Variants in C8orf88 observed in about 807,000 individuals in gnomAD.
The protein encoded by C8orf88 is chromosome 8 open reading frame 88.
C8orf88 carries 14 observed loss-of-function variants against 18.4 expected under a neutral mutation model. The observed-to-expected ratio is 0.76, with a 90% CI of 0.50 to 1.19. The LOEUF is 1.19. C8orf88 is among the 50% of genes most tolerant of loss of function. The probability of loss-of-function intolerance (pLI) is 0.00; values close to 1 mark genes in which losing one functional copy is unlikely to be tolerated. For missense variants in C8orf88, 116 were observed against 134.7 expected (o/e 0.86, Z 0.69); for synonymous variants, 45 against 42.9 (o/e 1.05, Z -0.19).
Position 90,958,837 on chromosome 8 carries a change from T to C in C8orf88, c.*170A>G. 2.1e-6 allele frequency: 1 copy of C among 475,806 alleles called. No individual in the cohort carries two copies. Among genetic ancestry groups the C allele is most frequent in the East Asian group, 3.9e-5 (1 of 25,500 alleles). 29.5% of individuals were successfully genotyped at this position (475,806 alleles called of 1,614,324 possible). ...AAACCTCCTGCAAAGCTGAAACTGA[T>C]TAGAAAATTCTTTATATTTTAAAAT... On this transcript the variant is annotated 3_prime_UTR_variant, in exon 6 of 6. Coordinates refer to ENST00000517562, the MANE Select transcript of C8orf88 (RefSeq NM_001190972.2).
At chr8:90,968,961 C>A (rs1386111) in intron 4 of C8orf88, among the ~76,000 whole-genome samples, 107,404 of 151,078 alleles carry the variant, frequency 0.71, 39,183 homozygotes, top group African/African-American at 0.84. Flanking sequence ...TTATAATAAA[C>A]AGAGATAATA....
chr8:90,984,594 G>A (rs1811478637), intron 1 of C8orf88, among the ~76,000 whole-genome samples: 1 of 151,932 alleles, frequency 6.6e-6, no homozygotes, highest in Admixed American at 6.5e-5. Context: ...GTCTATTTGA[G>A]GGATTTCTCA....
intron 4 of C8orf88, among the ~76,000 whole-genome samples, chr8:90,965,219 T>C (rs2130304205): frequency 6.6e-6 from 1 of 151,812 alleles, no homozygotes; most frequent in Non-Finnish European, 1.5e-5. Context: ...AAAAGAGAGC[T>C]GAAGTGAGTA....
At position 90,959,022 on chromosome 8, in the gene C8orf88, G is replaced by T; in HGVS notation, c.339C>A (p.Asn113Lys). ...HPIVLQKPEN[N>K]QSFK ...TCTTAAAATGCTACTTAAAACTTTG[G>T]TTGTTTTCCTGTAATATAAAAGAAA... The change falls in exon 6 of 6, where the codon AAC becomes AAA. Residue 113 changes from asparagine to lysine, a missense_variant. By Grantham distance (94) the Asn-to-Lys change is moderately conservative. Coordinates refer to ENST00000517562, the MANE Select transcript of C8orf88 (RefSeq NM_001190972.2). 1 of 1,393,506 alleles carries T rather than the reference G, an allele frequency of 7.2e-7. No individual in the cohort carries two copies. The highest frequency in any genetic ancestry group is 9.6e-7 in the Non-Finnish European group (1 of 1,044,212). 86.3% of individuals were successfully genotyped at this position (1,393,506 alleles called of 1,614,324 possible).
chr8:90,977,948 AAAAAC>A (rs374693753), intron 3 of C8orf88, among the ~76,000 whole-genome samples: 4 of 152,080 alleles, frequency 2.6e-5, no homozygotes, highest in African/African-American at 4.8e-5. Flanking sequence ...ACTCCATCTC[AAAAAC>A]AAAACAAAAC....
intron 2 of C8orf88, 33 bp downstream of exon 2, chr8:90,980,330 A>G: frequency 7.4e-7 from 1 of 1,356,800 alleles, no homozygotes. Context: ...TTAACACATT[A>G]ATATTTAAAG....
chr8:90,960,439 A>C (rs1267958212), intron 5 of C8orf88, among the ~76,000 whole-genome samples: 1 of 151,436 alleles, frequency 6.6e-6, no homozygotes, highest in East Asian at 1.9e-4. Context: ...TCATAGAGTA[A>C]AATTAATTCC....
intron 1 of C8orf88, 22 bp downstream of exon 1, chr8:90,985,092 C>T (rs1260607430): frequency 6.6e-6 from 1 of 152,262 alleles, no homozygotes; most frequent in Non-Finnish European, 1.5e-5. Context: ...CCCAGTGTCG[C>T]TCATCCTCCC....
chr8:90,980,195 A>G (rs2078935581), intron 2 of C8orf88, among the ~76,000 whole-genome samples, 168 bp downstream of exon 2: 1 of 152,204 alleles, frequency 6.6e-6, no homozygotes, highest in Non-Finnish European at 1.5e-5. Flanking sequence ...TAGATTATAG[A>G]TTGGTAGGTA....
At chr8:90,972,220 A>G (rs142270911) in intron 3 of C8orf88, among the ~76,000 whole-genome samples, 23 of 152,186 alleles carry the variant, frequency 1.5e-4, no homozygotes, top group African/African-American at 5.5e-4. Flanking sequence ...ATGACACAAT[A>G]AAGTCTATGG....
intron 1 of C8orf88, among the ~76,000 whole-genome samples, chr8:90,982,460 T>C (rs866484206): frequency 2.0e-5 from 3 of 152,294 alleles, no homozygotes; most frequent in Non-Finnish European, 1.5e-5. Context: ...TAGAGTACTT[T>C]GGCACACACT....
At position 90,958,495 on chromosome 8, in the gene C8orf88, T is replaced by G. The variant is rs1811073030; in HGVS notation, c.*512A>C. On this transcript the variant is annotated 3_prime_UTR_variant, in exon 6 of 6. Coordinates refer to ENST00000517562, the MANE Select transcript of C8orf88 (RefSeq NM_001190972.2). ...ATTAAAAATTCTGCCTCCTGTTTAT[T>G]GAGAACTATGCATTGAACATTCTGA... 6.6e-6 allele frequency: 1 copy of G among 151,676 alleles called. No individual in the cohort carries two copies. Among genetic ancestry groups the G allele is most frequent in the African/African-American group, 2.4e-5 (1 of 41,386 alleles). 9.4% of individuals were successfully genotyped at this position (151,676 alleles called of 1,614,324 possible).
intron 3 of C8orf88, 22 bp from the exon 4 acceptor site, chr8:90,971,163 A>G: frequency 2.2e-6 from 3 of 1,356,212 alleles, no homozygotes; most frequent in Non-Finnish European, 1.9e-6. Context: ...GAAGAAAATA[A>G]ACTTTTTAAC....
At chr8:90,966,371 G>A (rs1811197915) in intron 4 of C8orf88, among the ~76,000 whole-genome samples, 2 of 105,342 alleles carry the variant, frequency 1.9e-5, no homozygotes, top group African/African-American at 3.6e-5. Context: ...GGGGAGGGGG[G>A]AGGGATAGCA....
chr8:90,968,660 A>ATATATATATATATATATATATATG (rs1811239807), intron 4 of C8orf88, among the ~76,000 whole-genome samples: 3 of 106,286 alleles, frequency 2.8e-5, no homozygotes, highest in African/African-American at 8.7e-5. Flanking sequence ...AAGACAACAT[A>ATATATATATATATATATATATATG]TATATATATA....
chr8:90,975,136 T>C (rs1811329202), intron 3 of C8orf88, among the ~76,000 whole-genome samples: 1 of 152,150 alleles, frequency 6.6e-6, no homozygotes. Context: ...TATTAATCTA[T>C]AAATTCAATC....
intron 3 of C8orf88, among the ~76,000 whole-genome samples, chr8:90,973,889 C>G (rs1190550405): frequency 6.6e-6 from 1 of 152,120 alleles, no homozygotes. Context: ...ATGCGTATCA[C>G]TCTCCATTCC....
chr8:90,980,417 T>C lies in C8orf88; in HGVS notation c.19A>G (p.Ile7Val), dbSNP rs768667651. The C allele has an allele frequency of 1.0e-3, 1,547 of 1,531,958 alleles. 3 individuals carry two copies. Among genetic ancestry groups the C allele is most frequent in the Non-Finnish European group, 1.3e-3 (1,449 of 1,145,528 alleles). 94.9% of individuals were successfully genotyped at this position (1,531,958 alleles called of 1,614,324 possible). A position where few individuals can be genotyped will look rare whatever the true frequency, so the allele number is the denominator to read the frequency against. Residue 7 changes from isoleucine (I) to valine (V), a missense_variant, in exon 2 of 6, where the codon ATT becomes GTT. Physicochemically the swap from Ile to Val is conservative, Grantham distance 29. Transcript: ENST00000517562. METKKL[I>V]GKPLQPARPV... Reference sequence around the variant, plus strand: ...CTTGCTGGTTGAAGCGGTTTACCAATTAATTTTTTGGTTTCCATTGTCACA... The same window carrying C: ...CTTGCTGGTTGAAGCGGTTTACCAACTAATTTTTTGGTTTCCATTGTCACA...
upstream of C8orf88, chr8:90,985,262 G>T (rs1586168758): frequency 6.7e-6 from 1 of 148,782 alleles, no homozygotes; most frequent in Non-Finnish European, 1.5e-5. Flanking sequence ...GGCGAGGGGC[G>T]GGGGGCGAGG....
Sources: allele counts gnomAD v4.1 joint callset (sites outside exome capture counted in the v4.1 genomes callset), GRCh38; gene constraint gnomAD v4.1.1; transcripts MANE v1.5; gene names NCBI Gene and HGNC (gene_info 2026-07-23, HGNC 2026-07-21).